Variants in TMEM165 observed in about 807,000 individuals in gnomAD.
TMEM165 encodes putative divalent cation/proton antiporter TMEM165.
In TMEM165, 19 loss-of-function variants were observed where a neutral mutation model predicts 30.0. That is an observed-to-expected ratio of 0.63 (90% CI 0.44 to 0.93). TMEM165 has a LOEUF of 0.93. Ranked by LOEUF, TMEM165 falls within the 40% of genes least tolerant of loss-of-function variation. TMEM165 has a pLI of 0.00. For synonymous variants in TMEM165, 168 were observed against 162.9 expected, an observed-to-expected ratio of 1.03 and a Z score of -0.24; for missense variants, 340 against 417.0, an observed-to-expected ratio of 0.82 and a Z score of 1.61.
At chr4:55,402,413 A>G (rs1430057828) in intron 1 of TMEM165, among the ~76,000 whole-genome samples, 51 of 37,404 alleles carry the variant, frequency 1.4e-3, no homozygotes, top group African/African-American at 5.8e-3. Context: ...GTATATATAT[A>G]TATATATATA....
rs117294775 is a variant in TMEM165 at position 55,438,640 on chromosome 4, T to A, written c.409-13599T>A. On this transcript the variant is annotated intron_variant, in intron 3 of 3. Transcript: ENST00000608091. ...TACCTAAGATAATACCCAATGACAT[T>A]GCCAGTTTGTTTTTCAAGGTCTGTA... The A allele has an allele frequency of 3.2e-4, 495 of 1,550,450 alleles. 3 individuals are homozygous for A. The East Asian group carries it at 0.011, about 35-fold the overall frequency.
chr4:55,430,215 T>G (rs1003366735), downstream of TMEM165: 14 of 92,426 alleles, frequency 1.5e-4, no homozygotes, highest in Non-Finnish European at 2.3e-4. Flanking sequence ...CAGTGTTTGC[T>G]GGTGGTGGTG....
Position 55,419,957 on chromosome 4 carries a change from G to A in TMEM165, c.792+1972G>A, listed in dbSNP as rs370250925. On this transcript the variant is annotated intron_variant, in intron 4 of 5. Transcript: ENST00000381334. ...AAAATATCACTTTAATTAGCTGGGCGTGGTAGCGGGTGCCTGTAATCCTAG... is the reference window on the plus strand; with the variant it reads ...AAAATATCACTTTAATTAGCTGGGCATGGTAGCGGGTGCCTGTAATCCTAG... Among the ~76,000 whole-genome samples the A allele has an allele frequency of 1.7e-4, 25 of 151,000 alleles. No individual in the cohort carries two copies. The South Asian group carries it at 5.1e-3, about 31-fold the overall frequency.
chr4:55,439,746 A>C (rs1386519897), intron 3 of TMEM165, among the ~76,000 whole-genome samples: 1 of 152,200 alleles, frequency 6.6e-6, no homozygotes, highest in Non-Finnish European at 1.5e-5. Flanking sequence ...AAGTAAAATA[A>C]GCCATTCACA....
At chr4:55,449,276 T>C in intron 3 of TMEM165, 1 of 874,894 alleles carries the variant, frequency 1.1e-6, no homozygotes. Context: ...GTGTCACATA[T>C]CAGTAACTAT....
chr4:55,453,150 C>A, exon 4 of TMEM165: 1 of 1,592,070 alleles, frequency 6.3e-7, no homozygotes, highest in South Asian at 1.1e-5. Context: ...AAAAAATAAT[C>A]AAATTTTAGT....
chr4:55,443,564 ACTTT>A lies in TMEM165; in HGVS notation c.409-8672_409-8669del, dbSNP rs2109691220. On this transcript the variant is annotated intron_variant, in intron 3 of 3. Coordinates refer to the TMEM165 transcript ENST00000608091. ...TTTTAATAATCACTCTCAATACTAT[ACTTT>A]CTAAATACTATTAAATTTTGAAATG... The A allele has an allele frequency of 2.6e-5, 20 of 783,014 alleles. No individual in the cohort carries two copies. The South Asian group carries it at 2.8e-4, about 11-fold the overall frequency. 48.5% of individuals were successfully genotyped at this position (783,014 alleles called of 1,614,324 possible). A position where few individuals can be genotyped will look rare whatever the true frequency, so the allele number is the denominator to read the frequency against.
chr4:55,449,402 A>G (rs1475562022), intron 3 of TMEM165: 2 of 1,613,134 alleles, frequency 1.2e-6, no homozygotes, highest in African/African-American at 1.3e-5. Context: ...TTACCTGACT[A>G]CTAAATGATG....
rs3830579 is a variant in TMEM165, at chr4:55,424,773, T to TAATA, written c.898+131_898+132insATAA. On this transcript the variant is annotated intron_variant, in intron 5 of 5. Coordinates refer to ENST00000381334, the MANE Select transcript of TMEM165 (RefSeq NM_018475.5). ...TTTTCTAATTACCTACCATCTCTTA[T>TAATA]AGAGGTATTAATCCTGGTATTGCAA... 343,467 of 656,774 alleles carry TAATA rather than the reference T, an allele frequency of 0.52. 94,088 individuals are homozygous for TAATA. Among genetic ancestry groups the TAATA allele is most frequent in the East Asian group, 0.85 (30,850 of 36,330 alleles). The allele number at this position is 656,774 out of a possible 1,614,324, so 40.7% of individuals were successfully genotyped here.
At chr4:55,430,201 A>G (rs575921755), downstream of TMEM165, 1 of 146,648 alleles carries the variant, frequency 6.8e-6, no homozygotes, top group African/African-American at 2.4e-5. Flanking sequence ...TTAATGCAGC[A>G]CCTCAGTGTT....
At chr4:55,399,220 C>T (rs111669993) in intron 1 of TMEM165, 3 of 152,272 alleles carry the variant, frequency 2.0e-5, no homozygotes, top group African/African-American at 7.2e-5. Flanking sequence ...CATGTGAAGC[C>T]AGGGTCTTTA....
Position 55,426,010 on chromosome 4 carries a change from CTTTTTT to C in TMEM165, c.*563_*568del, listed in dbSNP as rs886059490. The C allele has an allele frequency of 6.8e-6, 1 of 147,884 alleles. No individual in the cohort carries two copies. Among genetic ancestry groups the C allele is most frequent in the Non-Finnish European group, 1.5e-5 (1 of 66,742 alleles). The allele number at this position is 147,884 out of a possible 1,614,324, so 9.2% of individuals were successfully genotyped here. A position where few individuals can be genotyped will look rare whatever the true frequency, so the allele number is the denominator to read the frequency against. ...AACTGTCTGCCAGGTCATTCTTCCT[CTTTTTT>C]TTTTAATTGGGTAGGACACCCAATA... On this transcript the variant is annotated 3_prime_UTR_variant, in exon 6 of 6. Transcript: ENST00000381334.
rs796683741 is a variant in TMEM165, at chr4:55,396,514, C to T, written c.207+118C>T. The T allele has an allele frequency of 2.0e-5, 18 of 887,406 alleles. No homozygotes were observed. In the African/African-American group the frequency reaches 2.9e-4, roughly 14 times the overall value. 55.0% of individuals were successfully genotyped at this position (887,406 alleles called of 1,614,324 possible). On this transcript the variant is annotated intron_variant, in intron 1 of 5. Transcript: ENST00000381334. ...CTCGGCTGGGGGAGGGGAGCCCGGCCCCTGCTCCCGGGGTGGAGGGCGGTC... is the reference window on the plus strand; with the variant it reads ...CTCGGCTGGGGGAGGGGAGCCCGGCTCCTGCTCCCGGGGTGGAGGGCGGTC...
chr4:55,426,665 G>C (rs1172746362), downstream of TMEM165, among the ~76,000 whole-genome samples: 2 of 152,184 alleles, frequency 1.3e-5, no homozygotes, highest in Non-Finnish European at 2.9e-5. Flanking sequence ...GGTATAATAG[G>C]AGACCCAGAG....
At chr4:55,439,682 G>T (rs1723188857) in intron 3 of TMEM165, among the ~76,000 whole-genome samples, 1 of 152,130 alleles carries the variant, frequency 6.6e-6, no homozygotes, top group Non-Finnish European at 1.5e-5. Flanking sequence ...CCTTAAAAAG[G>T]AAAGAAATTC....
chr4:55,448,594 A>G (rs4864991), intron 3 of TMEM165, among the ~76,000 whole-genome samples: 4,296 of 81,216 alleles, frequency 0.053, 93 homozygotes, highest in East Asian at 0.21. Flanking sequence ...GCGCGCGCGC[A>G]CGCGCGCGTG....
At chr4:55,448,124 A>G (rs1053823616) in intron 3 of TMEM165, among the ~76,000 whole-genome samples, 22 of 152,270 alleles carry the variant, frequency 1.4e-4, no homozygotes, top group African/African-American at 4.8e-4. Context: ...TTACATATCA[A>G]CTTACATACT....
At chr4:55,448,643 T>C (rs113599879) in intron 3 of TMEM165, 7,089 of 579,418 alleles carry the variant, frequency 0.012, 85 homozygotes, top group African/African-American at 0.036. Flanking sequence ...TGTGTGTGTG[T>C]GCTCCTACCT....
chr4:55,424,870 CTTG>C (rs1281487659), intron 5 of TMEM165: 4 of 497,190 alleles, frequency 8.0e-6, no homozygotes, highest in Admixed American at 3.7e-5. Flanking sequence ...ATAGTAGCTT[CTTG>C]TTAACATATT....
Sources: allele counts gnomAD v4.1 joint callset (sites outside exome capture counted in the v4.1 genomes callset), GRCh38; gene constraint gnomAD v4.1.1; transcripts MANE v1.5; gene names NCBI Gene and HGNC (gene_info 2026-07-23, HGNC 2026-07-21).